RNASE4: variants seen among roughly 807,000 people sequenced by gnomAD.
RNASE4 encodes the protein ribonuclease A family member 4, also known as ribonuclease 4.
For missense variants in RNASE4, 194 were observed against 192.8 expected (o/e 1.01, Z -0.04); for synonymous variants, 93 against 71.4 (o/e 1.30, Z -1.52).
At chr14:20,693,507 C>G (rs1255188514) in intron 1 of RNASE4, 3 of 1,604,284 alleles carry the variant, frequency 1.9e-6, no homozygotes, top group Non-Finnish European at 2.5e-6. Context: ...TTTGGTGATG[C>G]TGTTCTTGGG....
chr14:20,685,505 C>A (rs1335407345), intron 1 of RNASE4, among the ~76,000 whole-genome samples: 1 of 152,186 alleles, frequency 6.6e-6, no homozygotes. Context: ...CACAGGACCA[C>A]CTTCCCAGAA....
At chr14:20,687,669 A>G (rs182701915) in intron 1 of RNASE4, among the ~76,000 whole-genome samples, 266 of 152,338 alleles carry the variant, frequency 1.7e-3, no homozygotes, top group Admixed American at 2.9e-3. Flanking sequence ...GCATATTTAC[A>G]TAATGCCTAC....
In RNASE4 at chr14:20,694,224, T is replaced by C. The variant is rs546317379; in HGVS notation, c.-17-5131T>C. The C allele has an allele frequency of 1.6e-5, 10 of 619,724 alleles. No individual in the cohort carries two copies. In the South Asian group the frequency reaches 2.0e-4, roughly 12 times the overall value. The allele number at this position is 619,724 out of a possible 1,614,324, so 38.4% of individuals were successfully genotyped here. A position where few individuals can be genotyped will look rare whatever the true frequency, so the allele number is the denominator to read the frequency against. ...CACTGATTCTGGGCATATTGATCTT[T>C]CCCCCATTTTCTCTACTTGGCTGCT... On this transcript the variant is annotated intron_variant, in intron 1 of 1. Transcript: ENST00000555835.
intron 1 of RNASE4, among the ~76,000 whole-genome samples, chr14:20,693,187 G>C (rs991955504): frequency 2.0e-5 from 3 of 152,216 alleles, no homozygotes; most frequent in African/African-American, 7.2e-5. Context: ...ACCTAGCACA[G>C]TCCCTGGTAC....
chr14:20,685,903 G>T (rs750239770), intron 1 of RNASE4, among the ~76,000 whole-genome samples: 2 of 152,056 alleles, frequency 1.3e-5, no homozygotes, highest in African/African-American at 2.4e-5. Flanking sequence ...AGCCGGGCAC[G>T]GTGGTGAGCA....
chr14:20,699,875 G>A lies in RNASE4; in HGVS notation c.*60G>A. ...CCTTACACTTACTCCTTAAATAGCAGTGAGTAATGCATTTGAGCTGTCCCA... is the reference window on the plus strand; with the variant it reads ...CCTTACACTTACTCCTTAAATAGCAATGAGTAATGCATTTGAGCTGTCCCA... On this transcript the variant is annotated 3_prime_UTR_variant, in exon 2 of 2. Coordinates refer to ENST00000555835, the MANE Select transcript of RNASE4 (RefSeq NM_002937.5). 1 of 1,448,622 alleles carries A rather than the reference G, an allele frequency of 6.9e-7. No homozygotes were observed. Among genetic ancestry groups the A allele is most frequent in the Admixed American group, 1.7e-5 (1 of 58,696 alleles). The allele number at this position is 1,448,622 out of a possible 1,614,324, so 89.7% of individuals were successfully genotyped here.
chr14:20,696,363 T>G lies in RNASE4; in HGVS notation c.-17-2992T>G, dbSNP rs181291985. Among the ~76,000 whole-genome samples the G allele has an allele frequency of 8.5e-5, 13 of 152,290 alleles. 1 individual carries two copies. Among genetic ancestry groups the G allele is most frequent in the African/African-American group, 2.9e-4 (12 of 41,552 alleles). ...CTCTTGTTCTATCACAACCACAAGC[T>G]GTTTAAAATAAAACGTCAAGTCACA... On this transcript the variant is annotated intron_variant, in intron 1 of 1. Transcript: ENST00000555835.
At chr14:20,689,935 G>A (rs1218914703) in intron 1 of RNASE4, among the ~76,000 whole-genome samples, 2 of 148,356 alleles carry the variant, frequency 1.3e-5, no homozygotes, top group Non-Finnish European at 3.0e-5. Flanking sequence ...AAAAAAACAG[G>A]CCGGGCGCGG....
chr14:20,685,193 C>T (rs1886367076), intron 1 of RNASE4, among the ~76,000 whole-genome samples: 1 of 152,128 alleles, frequency 6.6e-6, no homozygotes, highest in African/African-American at 2.4e-5. Context: ...CCTCTGCCTC[C>T]TCACCCTTAA....
intron 1 of RNASE4, among the ~76,000 whole-genome samples, chr14:20,691,502 T>G (rs1886745161): frequency 6.6e-6 from 1 of 152,238 alleles, no homozygotes; most frequent in Admixed American, 6.5e-5. Context: ...GCAGCTATAC[T>G]GGAGCAGCTG....
chr14:20,690,221 C>CAAAAAAAAAAAAAAAAAAAAA (rs36091065), intron 1 of RNASE4, among the ~76,000 whole-genome samples: 4 of 67,980 alleles, frequency 5.9e-5, no homozygotes, highest in African/African-American at 2.6e-4. Flanking sequence ...GACTCCGTCT[C>CAAAAAAAAAAAAAAAAAAAAA]AAAAAAAAAA....
chr14:20,694,887 T>C (rs1887026723), intron 1 of RNASE4, among the ~76,000 whole-genome samples: 1 of 150,960 alleles, frequency 6.6e-6, no homozygotes, highest in African/African-American at 2.4e-5. Flanking sequence ...CACACACATA[T>C]ACACATATGT....
chr14:20,699,876 T>C lies in RNASE4; in HGVS notation c.*61T>C, dbSNP rs750931858. On this transcript the variant is annotated 3_prime_UTR_variant, in exon 2 of 2. Coordinates refer to ENST00000555835, the MANE Select transcript of RNASE4 (RefSeq NM_002937.5). ...CTTACACTTACTCCTTAAATAGCAG[T>C]GAGTAATGCATTTGAGCTGTCCCAG... 89 of 1,440,074 alleles carry C rather than the reference T, an allele frequency of 6.2e-5. No homozygotes were observed. Among genetic ancestry groups the C allele is most frequent in the Non-Finnish European group, 8.2e-5 (85 of 1,033,190 alleles). 89.2% of individuals were successfully genotyped at this position (1,440,074 alleles called of 1,614,324 possible).
chr14:20,694,843 GATT>G (rs1566603335), intron 1 of RNASE4, among the ~76,000 whole-genome samples: 1 of 152,014 alleles, frequency 6.6e-6, no homozygotes, highest in African/African-American at 2.4e-5. Context: ...CATACCAACA[GATT>G]ATTATAGTTT....
At chr14:20,698,612 C>CT (rs1458735428) in intron 1 of RNASE4, among the ~76,000 whole-genome samples, 5 of 151,602 alleles carry the variant, frequency 3.3e-5, no homozygotes, top group Non-Finnish European at 7.4e-5. Context: ...TCTGGTTTTG[C>CT]TTTTTTTTAA....
chr14:20,699,219 T>C (rs1359261097), intron 1 of RNASE4, 136 bp from the exon 2 acceptor site: 2 of 679,334 alleles, frequency 2.9e-6, no homozygotes, highest in African/African-American at 1.8e-5. Context: ...GTAGCAGAGA[T>C]GAGTGGGGAG....
intron 1 of RNASE4, among the ~76,000 whole-genome samples, chr14:20,691,293 G>C (rs888231594): frequency 2.6e-5 from 4 of 152,244 alleles, no homozygotes; most frequent in Non-Finnish European, 5.9e-5. Flanking sequence ...CCAGGCAGAA[G>C]AATGTTGACT....
At chr14:20,685,042 G>A (rs1886358759) in intron 1 of RNASE4, among the ~76,000 whole-genome samples, 1 of 152,132 alleles carries the variant, frequency 6.6e-6, no homozygotes, top group Admixed American at 6.5e-5. Context: ...CGAACCTAAG[G>A]GAAGCCCTAG....
At chr14:20,689,230 T>A (rs1391660056) in intron 1 of RNASE4, among the ~76,000 whole-genome samples, 1 of 152,228 alleles carries the variant, frequency 6.6e-6, no homozygotes, top group Non-Finnish European at 1.5e-5. Flanking sequence ...CAGTATGTTT[T>A]TAGCATTGTT....
Sources: gnomAD v4.1 joint callset for allele counts (sites outside exome capture counted in the v4.1 genomes callset) on GRCh38, gnomAD v4.1.1 for gene constraint, MANE v1.5 for transcripts, NCBI Gene and HGNC (gene_info 2026-07-23, HGNC 2026-07-21) for gene names.